The following ACAT2 variants were observed in gnomAD, a reference collection of about 807,000 sequenced individuals.
ACAT2 encodes acetyl-CoA acetyltransferase 2, also known as acetyl-CoA acetyltransferase, cytosolic.
ACAT2 carries 26 observed loss-of-function variants against 37.1 expected under a neutral mutation model. The observed-to-expected ratio is 0.70, with a 90% CI of 0.51 to 0.97. ACAT2 has a LOEUF of 0.97. ACAT2 is among the 50% of genes least tolerant of loss of function. The pLI, the probability that ACAT2 is intolerant of heterozygous loss-of-function variation, is 0.00. For missense variants in ACAT2, 468 were observed against 489.0 expected, an observed-to-expected ratio of 0.96 and a Z score of 0.40; for synonymous variants, 156 against 163.6, an observed-to-expected ratio of 0.95 and a Z score of 0.35.
intron 1 of ACAT2, 49 bp downstream of exon 1, chr6:159,762,191 G>A (rs1437908321): frequency 1.9e-6 from 3 of 1,583,354 alleles, no homozygotes; most frequent in East Asian, 2.3e-5. Context: ...CTGCTGCTTC[G>A]GCAGGAGCGC....
At chr6:159,778,333 T>C (rs1207291859) in intron 8 of ACAT2, 53 bp downstream of exon 8, 9 of 1,306,968 alleles carry the variant, frequency 6.9e-6, no homozygotes, top group Non-Finnish European at 9.6e-6. Flanking sequence ...CACAATCCAA[T>C]TTTAAGATAG....
chr6:159,771,650 C>CAAA (rs769011249), intron 4 of ACAT2, among the ~76,000 whole-genome samples: 1 of 96,358 alleles, frequency 1.0e-5, no homozygotes. Context: ...GACTCTGTCT[C>CAAA]AAAAAAAAAA....
intron 4 of ACAT2, among the ~76,000 whole-genome samples, chr6:159,771,091 TA>T (rs1347332604): frequency 3.4e-5 from 5 of 144,976 alleles, no homozygotes; most frequent in Non-Finnish European, 7.6e-5. Flanking sequence ...TAAATTAAAT[TA>T]AAAAATAGGC....
chr6:159,778,240 C>T lies in ACAT2; in HGVS notation c.983C>T (p.Ser328Phe), dbSNP rs12213253. The T allele has an allele frequency of 6.2e-7, 1 of 1,612,078 alleles. No homozygotes were observed. Residue 328 changes from serine (S) to phenylalanine (F), a missense_variant, in exon 8 of 9, where the codon TCT (serine) becomes TTT (phenylalanine). By Grantham distance (155) the Ser-to-Phe change is radical (BLOSUM62 -2). Transcript: ENST00000367048. ...FEINEAFAAV[S>F]AAIVKELGLN... ...ATCAATGAAGCCTTTGCAGCTGTCT[C>T]TGCTGCAATAGTTAAAGAACTTGGA...
At chr6:159,771,930 A>ACAT (rs79113689) in intron 4 of ACAT2, among the ~76,000 whole-genome samples, 1 of 152,122 alleles carries the variant, frequency 6.6e-6, no homozygotes, top group Non-Finnish European at 1.5e-5. Flanking sequence ...AACAACAACA[A>ACAT]AAGAATAGCT....
At chr6:159,778,377 TAAAG>T (rs1562480713) in intron 8 of ACAT2, 97 bp downstream of exon 8, 1 of 772,272 alleles carries the variant, frequency 1.3e-6, no homozygotes, top group Non-Finnish European at 1.9e-6. Context: ...GGGTAATAGT[TAAAG>T]AAATACTAGT....
chr6:159,765,929 T>C (rs2114976941), intron 2 of ACAT2, among the ~76,000 whole-genome samples: 1 of 152,332 alleles, frequency 6.6e-6, no homozygotes, highest in South Asian at 2.1e-4. Flanking sequence ...GGAAGGGTGG[T>C]AGGTTTGAGT....
chr6:159,762,506 GC>G, intron 1 of ACAT2: 3 of 1,306,606 alleles, frequency 2.3e-6, no homozygotes, highest in Non-Finnish European at 2.9e-6. Flanking sequence ...GGGCGGAACT[GC>G]TAGGTGGTCT....
At chr6:159,768,897 C>A (rs965469790) in intron 4 of ACAT2, among the ~76,000 whole-genome samples, 1 of 152,206 alleles carries the variant, frequency 6.6e-6, no homozygotes, top group African/African-American at 2.4e-5. Flanking sequence ...ACAAATAGTG[C>A]TTCTGTGGCA....
chr6:159,764,651 C>G (rs1780225527), intron 2 of ACAT2, among the ~76,000 whole-genome samples: 1 of 152,050 alleles, frequency 6.6e-6, no homozygotes, highest in South Asian at 2.1e-4. Context: ...CTGTCTGTTG[C>G]CTGGGCGTGA....
At chr6:159,764,057 T>A (rs1455491135) in intron 2 of ACAT2, among the ~76,000 whole-genome samples, 1 of 151,794 alleles carries the variant, frequency 6.6e-6, no homozygotes, top group Non-Finnish European at 1.5e-5. Flanking sequence ...GCTGAGATTG[T>A]GCCACTGCAC....
chr6:159,762,589 G>A (rs1366764372), intron 1 of ACAT2: 36 of 1,370,646 alleles, frequency 2.6e-5, no homozygotes, highest in Non-Finnish European at 3.4e-5. Flanking sequence ...CCTTCGTGCC[G>A]CATGGTTTTC....
At chr6:159,762,470 GGC>G in intron 1 of ACAT2, 2 of 1,328,654 alleles carry the variant, frequency 1.5e-6, no homozygotes, top group East Asian at 6.7e-5. Context: ...GGCTCCGGGA[GGC>G]GCCATCGGTA....
Position 159,763,026 on chromosome 6 carries a change from G to A in ACAT2, c.163G>A (p.Val55Ile). Residue 55 changes from valine (V) to isoleucine (I), a missense_variant, in exon 2 of 9, where the codon GTC (valine) becomes ATC (isoleucine). Val to Ile is a conservative substitution (Grantham distance 29). Transcript: ENST00000367048. ...ATVAPEDVSE[V>I]IFGHVLAAGC... ...TGTGGCTCCGGAAGATGTGTCTGAG[G>A]TCATCTTTGGACATGTCTTGGCAGC... 1 of 1,613,804 alleles carries A rather than the reference G, an allele frequency of 6.2e-7. No homozygotes were observed. The highest frequency in any genetic ancestry group is 8.5e-7 in the Non-Finnish European group (1 of 1,179,882).
intron 4 of ACAT2, 131 bp from the exon 5 acceptor site, chr6:159,775,039 G>C (rs1283368435): frequency 3.9e-6 from 4 of 1,036,700 alleles, no homozygotes; most frequent in East Asian, 5.2e-5. Flanking sequence ...CCCACACAGA[G>C]CATTGCACAG....
intron 6 of ACAT2, among the ~76,000 whole-genome samples, chr6:159,776,711 A>G (rs765397546): frequency 4.2e-4 from 64 of 151,688 alleles, no homozygotes; most frequent in Non-Finnish European, 8.0e-4. Flanking sequence ...AGTACCAGAA[A>G]CTCCCAATAC....
At chr6:159,772,821 A>AAAG (rs1780358457) in intron 4 of ACAT2, among the ~76,000 whole-genome samples, 1 of 151,388 alleles carries the variant, frequency 6.6e-6, no homozygotes. Context: ...AAAAAAAAAA[A>AAAG]AAAGAAAGAA....
At chr6:159,777,742 G>A (rs62439365) in intron 7 of ACAT2, among the ~76,000 whole-genome samples, 4,327 of 111,546 alleles carry the variant, frequency 0.039, 85 homozygotes, top group South Asian at 0.069. Flanking sequence ...TAGAGACAAG[G>A]TCTATGTCGC....
intron 4 of ACAT2, among the ~76,000 whole-genome samples, chr6:159,771,542 G>C (rs1173220895): frequency 6.6e-6 from 1 of 151,378 alleles, no homozygotes. Flanking sequence ...GAAGTTCAAA[G>C]ACCAAGATAG....
Sources: gnomAD v4.1 joint callset for allele counts (sites outside exome capture counted in the v4.1 genomes callset) on GRCh38, gnomAD v4.1.1 for gene constraint, MANE v1.5 for transcripts, NCBI Gene and HGNC (gene_info 2026-07-23, HGNC 2026-07-21) for gene names.